Variants in PARD3 observed in about 807,000 individuals in gnomAD.
PARD3 encodes the protein par-3 family cell polarity regulator.
A neutral mutation model predicts 155.4 loss-of-function variants in PARD3; 75 were observed. That is an observed-to-expected ratio of 0.48 (90% CI 0.40 to 0.58). The LOEUF is 0.58. Among genes scored for constraint, PARD3 ranks in the 20% least tolerant of loss-of-function variants. The pLI is 0.00. For missense variants in PARD3, 1,642 were observed against 1,721.7 expected (o/e 0.95, Z 0.82); for synonymous variants, 576 against 610.5 (o/e 0.94, Z 0.83).
intron 1 of PARD3, among the ~76,000 whole-genome samples, chr10:34,777,924 C>A (rs951046426): frequency 3.3e-5 from 5 of 151,584 alleles, no homozygotes; most frequent in Non-Finnish European, 2.9e-5. Flanking sequence ...GCCCTCCCTC[C>A]CGCAAGGAGG....
At chr10:34,130,174 T>C (rs753144924) in intron 23 of PARD3, among the ~76,000 whole-genome samples, 2 of 151,778 alleles carry the variant, frequency 1.3e-5, no homozygotes, top group Non-Finnish European at 2.9e-5. Context: ...GATCCTAGAG[T>C]CCAAAAAATA....
At chr10:34,389,136 C>G (rs536960215) in intron 7 of PARD3, among the ~76,000 whole-genome samples, 2 of 148,800 alleles carry the variant, frequency 1.3e-5, no homozygotes, top group Admixed American at 1.4e-4. Flanking sequence ...GAAGAAAACA[C>G]TAGATCCGCT....
chr10:34,658,843 G>A (rs576538792), intron 2 of PARD3, among the ~76,000 whole-genome samples: 3 of 152,256 alleles, frequency 2.0e-5, no homozygotes, highest in African/African-American at 7.2e-5. Context: ...GGTGCATTCT[G>A]AGCCTCAATT....
chr10:34,564,413 A>T (rs886099348), intron 2 of PARD3, among the ~76,000 whole-genome samples: 1 of 152,348 alleles, frequency 6.6e-6, no homozygotes, highest in South Asian at 2.1e-4. Context: ...TTGACCAGGT[A>T]ACTCACAGTA....
At chr10:34,624,859 C>G (rs1015014203) in intron 2 of PARD3, among the ~76,000 whole-genome samples, 2 of 152,222 alleles carry the variant, frequency 1.3e-5, no homozygotes, top group African/African-American at 4.8e-5. Flanking sequence ...TCTGAGAAAG[C>G]CTCCCATGCA....
intron 1 of PARD3, among the ~76,000 whole-genome samples, chr10:34,769,787 C>T (rs930802556): frequency 8.6e-5 from 6 of 69,632 alleles, no homozygotes; most frequent in Admixed American, 4.0e-4. Context: ...AACAAACAAA[C>T]GAACAAAAAA....
chr10:34,212,604 C>G (rs968648369), intron 22 of PARD3, among the ~76,000 whole-genome samples: 1 of 151,836 alleles, frequency 6.6e-6, no homozygotes, highest in African/African-American at 2.4e-5. Flanking sequence ...CAGGACTGTA[C>G]CTGGTGCGCC....
intron 4 of PARD3, among the ~76,000 whole-genome samples, chr10:34,458,077 A>G (rs913923244): frequency 6.6e-6 from 1 of 152,210 alleles, no homozygotes; most frequent in Non-Finnish European, 1.5e-5. Context: ...CACAAATTAT[A>G]TTTTCATAGA....
intron 3 of PARD3, among the ~76,000 whole-genome samples, chr10:34,507,550 A>AAAAAAAAAAAAAAAAAAAAAAAAAAAC (rs1554880669): frequency 7.7e-6 from 1 of 129,226 alleles, no homozygotes; most frequent in African/African-American, 3.6e-5. Flanking sequence ...TAAAAAAACA[A>AAAAAAAAAAAAAAAAAAAAAAAAAAAC]AAAAAAAAAA....
At chr10:34,313,754 T>C (rs528837378) in intron 20 of PARD3, among the ~76,000 whole-genome samples, 2 of 151,816 alleles carry the variant, frequency 1.3e-5, no homozygotes, top group East Asian at 1.9e-4. Context: ...TGAGTGGGAG[T>C]TGCAGGGAGG....
chr10:34,214,566 C>G (rs1951909627), intron 22 of PARD3, among the ~76,000 whole-genome samples: 1 of 152,074 alleles, frequency 6.6e-6, no homozygotes, highest in Admixed American at 6.6e-5. Flanking sequence ...GCCTCTAATT[C>G]CACCACTTCG....
chr10:34,274,480 A>C (rs989749409), intron 21 of PARD3, among the ~76,000 whole-genome samples: 1 of 152,130 alleles, frequency 6.6e-6, no homozygotes, highest in Non-Finnish European at 1.5e-5. Context: ...TCTTACATTC[A>C]ATGGGATATT....
chr10:34,805,095 C>T (rs7081501), intron 1 of PARD3, among the ~76,000 whole-genome samples: 53,679 of 152,078 alleles, frequency 0.35, 10,614 homozygotes, highest in African/African-American at 0.55. Context: ...CGGTGGCTCA[C>T]GCCTGTAATC....
intron 3 of PARD3, among the ~76,000 whole-genome samples, chr10:34,499,995 A>C (rs997798856): frequency 6.6e-6 from 1 of 152,204 alleles, no homozygotes; most frequent in African/African-American, 2.4e-5. Flanking sequence ...CATCCACAAG[A>C]AAAAAAGTCT....
chr10:34,450,548 T>A, intron 4 of PARD3, 100 bp from the exon 5 acceptor site: 1 of 1,087,838 alleles, frequency 9.2e-7, no homozygotes, highest in Non-Finnish European at 1.3e-6. Context: ...TGATTCTACA[T>A]ATTTAAAACA....
intron 22 of PARD3, among the ~76,000 whole-genome samples, chr10:34,220,414 T>G (rs1226590015): frequency 6.6e-6 from 1 of 152,240 alleles, no homozygotes; most frequent in Non-Finnish European, 1.5e-5. Flanking sequence ...TTCAAAATAA[T>G]GAGCACTTTT....
At chr10:34,231,476 A>C (rs1026370897) in intron 22 of PARD3, among the ~76,000 whole-genome samples, 2 of 151,942 alleles carry the variant, frequency 1.3e-5, no homozygotes, top group Non-Finnish European at 2.9e-5. Flanking sequence ...TGGCTTACAG[A>C]TGATCATCTT....
intron 1 of PARD3, among the ~76,000 whole-genome samples, chr10:34,808,050 G>A (rs1406305425): frequency 2.0e-5 from 3 of 152,104 alleles, no homozygotes; most frequent in Non-Finnish European, 4.4e-5. Context: ...ATGGTGGCTC[G>A]TGCCTGTAAT....
chr10:34,738,930 A>T (rs1038547374), intron 1 of PARD3, among the ~76,000 whole-genome samples: 28 of 152,204 alleles, frequency 1.8e-4, no homozygotes, highest in South Asian at 2.1e-4. Context: ...TAAAACCAGA[A>T]CAAGCACAAA....
Sources: allele counts gnomAD v4.1 joint callset (sites outside exome capture counted in the v4.1 genomes callset), GRCh38; gene constraint gnomAD v4.1.1; transcripts MANE v1.5; gene names NCBI Gene and HGNC (gene_info 2026-07-23, HGNC 2026-07-21).